USP22: variants seen among roughly 807,000 people sequenced by gnomAD.
USP22 encodes the protein ubiquitin carboxyl-terminal hydrolase 22.
In USP22, 22 loss-of-function variants were observed where a neutral mutation model predicts 68.1. That is an observed-to-expected ratio of 0.32 (90% confidence interval 0.23 to 0.46). The LOEUF (loss-of-function observed/expected upper bound fraction) is 0.46, where lower values mean the gene tolerates loss of function less well. Among genes scored for constraint, USP22 ranks in the 20% least tolerant of loss-of-function variants. The pLI is 1.00. For synonymous variants in USP22, 279 were observed against 274.2 expected (o/e 1.02, Z -0.17); for missense variants, 433 against 695.8 (o/e 0.62, Z 4.25).
intron 8 of USP22, among the ~76,000 whole-genome samples, chr17:21,009,265 A>G (rs1485745378): frequency 6.6e-6 from 1 of 152,160 alleles, no homozygotes; most frequent in African/African-American, 2.4e-5. Context: ...CAAATTTTGA[A>G]GCTGAAACAC....
At position 21,011,324 on chromosome 17, in the gene USP22, A is replaced by T. The variant is rs1289708074; in HGVS notation, c.945-15T>A. 2 of 1,552,104 alleles carry T rather than the reference A, an allele frequency of 1.3e-6. No individual in the cohort carries two copies. The highest frequency in any genetic ancestry group is 3.9e-5 in the Admixed American group (2 of 51,000). On this transcript the variant is annotated splice_polypyrimidine_tract_variant and intron_variant, in intron 7 of 12. Coordinates refer to ENST00000261497, the MANE Select transcript of USP22 (RefSeq NM_015276.2). ...TGGAGACTCCACTGGAAGCAGAGGG[A>T]AAACAATGGCTGTGAGGACTGACAC...
At chr17:21,017,688 C>T (rs990184691) in intron 5 of USP22, among the ~76,000 whole-genome samples, 10 of 152,196 alleles carry the variant, frequency 6.6e-5, no homozygotes, top group African/African-American at 2.4e-4. Context: ...TGTCACCCAC[C>T]AGGGAAGTCT....
intron 7 of USP22, among the ~76,000 whole-genome samples, chr17:21,011,962 A>G (rs1913984645): frequency 6.6e-6 from 1 of 152,202 alleles, no homozygotes; most frequent in East Asian, 1.9e-4. Context: ...ACTCAGAGAC[A>G]AGGCCCCAAA....
rs937212461 is a variant in USP22 at position 20,999,840 on chromosome 17, C to T, written c.*3191G>A. On this transcript the variant is annotated 3_prime_UTR_variant, in exon 13 of 13. Transcript: ENST00000261497. Reference sequence around the variant, plus strand: ...AATTTTACACAATGAAGAGCATACACACCAAGCCAAAATACAATAGCACTC... The same window carrying T: ...AATTTTACACAATGAAGAGCATACATACCAAGCCAAAATACAATAGCACTC... The T allele has an allele frequency of 7.9e-5, 12 of 152,216 alleles. No homozygotes were observed. Among genetic ancestry groups the T allele is most frequent in the African/African-American group, 2.9e-4 (12 of 41,446 alleles). The allele number at this position is 152,216 out of a possible 1,614,324, so 9.4% of individuals were successfully genotyped here. A position where few individuals can be genotyped will look rare whatever the true frequency, so the allele number is the denominator to read the frequency against.
At chr17:21,034,708 C>T (rs1027085486) in intron 1 of USP22, among the ~76,000 whole-genome samples, 4 of 152,096 alleles carry the variant, frequency 2.6e-5, no homozygotes, top group Non-Finnish European at 5.9e-5. Context: ...TAAAAGTGAA[C>T]ACAAGCCACT....
intron 1 of USP22, among the ~76,000 whole-genome samples, chr17:21,030,377 T>C (rs901453970): frequency 2.6e-5 from 4 of 151,958 alleles, no homozygotes; most frequent in Non-Finnish European, 4.4e-5. Flanking sequence ...CTTGTGTGTG[T>C]GTGTGTGTGT....
At chr17:21,010,391 A>G (rs543806846) in intron 8 of USP22, among the ~76,000 whole-genome samples, 1 of 151,908 alleles carries the variant, frequency 6.6e-6, no homozygotes, top group Non-Finnish European at 1.5e-5. Context: ...ATTTTTTTTT[A>G]AAAATCACTC....
At position 21,008,005 on chromosome 17, in the gene USP22, G is replaced by A. The variant is rs1010621786; in HGVS notation, c.1104-9C>T. On this transcript the variant is annotated splice_polypyrimidine_tract_variant and intron_variant, in intron 8 of 12. Coordinates refer to ENST00000261497, the MANE Select transcript of USP22 (RefSeq NM_015276.2). ...GCTCTGGTCTGGTGAATCTACAGGCGTTCAAAAAAGACAGGAGCGGTAAGG... is the reference window on the plus strand; with the variant it reads ...GCTCTGGTCTGGTGAATCTACAGGCATTCAAAAAAGACAGGAGCGGTAAGG... 8 of 1,611,236 alleles carry A rather than the reference G, an allele frequency of 5.0e-6. No homozygotes were observed. Among genetic ancestry groups the A allele is most frequent in the African/African-American group, 2.7e-5 (2 of 74,718 alleles).
At chr17:21,022,823 C>T (rs966939061) in intron 2 of USP22, among the ~76,000 whole-genome samples, 7 of 148,388 alleles carry the variant, frequency 4.7e-5, no homozygotes, top group Non-Finnish European at 7.4e-5. Flanking sequence ...ACCAAATGAA[C>T]CAGGATTACC....
intron 7 of USP22, among the ~76,000 whole-genome samples, chr17:21,012,383 A>G (rs551790135): frequency 2.6e-5 from 4 of 152,216 alleles, no homozygotes; most frequent in Non-Finnish European, 5.9e-5. Flanking sequence ...AGCAGAGACC[A>G]CATCTGAGAA....
chr17:21,026,855 G>A (rs1310432150), intron 2 of USP22, among the ~76,000 whole-genome samples: 1 of 150,380 alleles, frequency 6.6e-6, no homozygotes, highest in Non-Finnish European at 1.5e-5. Flanking sequence ...AGGCTGGAGT[G>A]CAGTGGTGCG....
chr17:21,039,938 C>T (rs566999954), intron 1 of USP22, among the ~76,000 whole-genome samples: 4 of 152,280 alleles, frequency 2.6e-5, no homozygotes, highest in African/African-American at 9.6e-5. Context: ...GGCTCAGTGG[C>T]TCTGGCCTGT....
rs113740572 is a variant in USP22, at chr17:21,012,642, C to T, written c.944+188G>A. 4.1e-4 allele frequency among the ~76,000 whole-genome samples: 63 copies of T among 151,814 alleles called. 1 individual carries two copies. Among genetic ancestry groups the T allele is most frequent in the African/African-American group, 1.4e-3 (59 of 41,396 alleles). On this transcript the variant is annotated intron_variant, in intron 7 of 12. Transcript: ENST00000261497. ...GAAGGGCTCGCATCCCGAGGGGACA[C>T]CTGCCCTACGACCTCCCCAAGAGGA...
intron 1 of USP22, among the ~76,000 whole-genome samples, chr17:21,028,937 T>G (rs1486023655): frequency 4.8e-5 from 7 of 145,328 alleles, no homozygotes; most frequent in Non-Finnish European, 9.1e-5. Flanking sequence ...ACGGGGATGT[T>G]CCCCCACCTC....
At chr17:21,010,820 C>A (rs1391859073) in intron 8 of USP22, among the ~76,000 whole-genome samples, 1 of 152,122 alleles carries the variant, frequency 6.6e-6, no homozygotes, top group African/African-American at 2.4e-5. Flanking sequence ...GAGGCCCGGG[C>A]GCATCTCAGC....
At chr17:21,019,914 C>T (rs1380109943) in intron 3 of USP22, among the ~76,000 whole-genome samples, 3 of 152,212 alleles carry the variant, frequency 2.0e-5, no homozygotes, top group African/African-American at 4.8e-5. Flanking sequence ...CACTTAGTCA[C>T]AATGTTATTA....
intron 6 of USP22, 48 bp downstream of exon 6, chr17:21,015,704 C>T (rs747825477): frequency 1.9e-6 from 3 of 1,561,554 alleles, no homozygotes; most frequent in Non-Finnish European, 2.6e-6. Flanking sequence ...CCTTCCCCTT[C>T]AAGGAAAACA....
rs552978031 is a variant in USP22 at position 21,012,240 on chromosome 17, T to C, written c.944+590A>G. ...GGGTTCAAGGCCAGCCTGGGCAACATACACAAGACCCCATGCCTGAAAAAA... is the reference window on the plus strand; with the variant it reads ...GGGTTCAAGGCCAGCCTGGGCAACACACACAAGACCCCATGCCTGAAAAAA... On this transcript the variant is annotated intron_variant, in intron 7 of 12. Coordinates refer to ENST00000261497, the MANE Select transcript of USP22 (RefSeq NM_015276.2). Among the ~76,000 whole-genome samples the C allele has an allele frequency of 2.1e-4, 32 of 151,918 alleles. No homozygotes were observed. In the South Asian group the frequency reaches 4.2e-3, roughly 20 times the overall value.
Position 21,015,878 on chromosome 17 carries a change from G to C in USP22, c.712C>G (p.Pro238Ala). The change falls in exon 6 of 13, where the codon CCT (proline) becomes GCT (alanine). Residue 238 changes from proline to alanine, a missense_variant. Physicochemically the swap from Pro to Ala is conservative, Grantham distance 27. This residue lies in a region of USP22 where 144 missense variants were observed against 237.2 expected (regional missense o/e 0.61). Transcript: ENST00000261497. ...TGCAGCAACTTATACGGGATGTGAGGGGACCGGTGTCCAGAGTAAAACTGC... is the reference window on the plus strand; with the variant it reads ...TGCAGCAACTTATACGGGATGTGAGCGGACCGGTGTCCAGAGTAAAACTGC... ...FQEFYSGHRS[P>A]HIPYKLLHLV... 1 of 1,614,148 alleles carries C rather than the reference G, an allele frequency of 6.2e-7. No homozygotes were observed. The highest frequency in any genetic ancestry group is 8.5e-7 in the Non-Finnish European group (1 of 1,180,034).
Sources: gnomAD v4.1 joint callset for allele counts (sites outside exome capture counted in the v4.1 genomes callset) on GRCh38, gnomAD v4.1.1 for gene constraint, gnomAD v4.1.1 regional missense constraint, MANE v1.5 for transcripts, NCBI Gene and HGNC (gene_info 2026-07-23, HGNC 2026-07-21) for gene names.